The following TMEM127 variants were observed in gnomAD, a reference collection of about 807,000 sequenced individuals.
The protein encoded by TMEM127 is transmembrane protein 127.
Under a neutral mutation model 20.1 loss-of-function variants are expected in TMEM127, and 21 were observed. The ratio of observed to expected loss-of-function variants is 1.04; its 90% confidence interval spans 0.74 to 1.50. The LOEUF (loss-of-function observed/expected upper bound fraction) is 1.50. Among genes scored for constraint, TMEM127 ranks in the 40% most tolerant of loss-of-function variants. The pLI is 0.00. For missense variants in TMEM127, 303 were observed against 317.4 expected, an observed-to-expected ratio of 0.95 and a Z score of 0.34; for synonymous variants, 150 against 144.7, an observed-to-expected ratio of 1.04 and a Z score of -0.26.
intron 2 of TMEM127, among the ~76,000 whole-genome samples, chr2:96,263,273 G>C (rs1055500869): frequency 6.6e-6 from 1 of 151,588 alleles, no homozygotes; most frequent in African/African-American, 2.4e-5. Context: ...TAGCCAAGCT[G>C]GTCTCCAACT....
Position 96,265,332 on chromosome 2 carries a change from C to T in TMEM127, c.50G>A (p.Ser17Asn), listed in dbSNP as rs1223613323. The T allele has an allele frequency of 6.6e-7, 1 of 1,518,984 alleles. No homozygotes were observed. Among genetic ancestry groups the T allele is most frequent in the Admixed American group, 2.0e-5 (1 of 49,174 alleles). The allele number at this position is 1,518,984 out of a possible 1,614,324, so 94.1% of individuals were successfully genotyped here. ...AGLPGGRRRRSPGGSALPKQP... is the reference protein window; with the variant it reads ...AGLPGGRRRRNPGGSALPKQP... Reference sequence around the variant, plus strand: ...CTTGGGCAGAGCGCTGCCTCCCGGGCTCCTCCGCCGGCGCCCGCCGGGCAG... The same window carrying T: ...CTTGGGCAGAGCGCTGCCTCCCGGGTTCCTCCGCCGGCGCCCGCCGGGCAG... Residue 17 changes from serine to asparagine, a missense_variant, in exon 2 of 4, where the codon AGC becomes AAC. By Grantham distance (46) the Ser-to-Asn change is conservative (BLOSUM62 1). Transcript: ENST00000258439.
chr2:96,263,416 G>A (rs903108219), intron 2 of TMEM127, among the ~76,000 whole-genome samples: 3 of 149,108 alleles, frequency 2.0e-5, no homozygotes, highest in Non-Finnish European at 4.4e-5. Flanking sequence ...AGGCTGGAGC[G>A]CAATGGCGCG....
chr2:96,251,121 A>G lies in TMEM127; in HGVS notation c.*2687T>C, dbSNP rs2104274929. 4.6e-6 allele frequency: 1 copy of G among 215,804 alleles called. No homozygotes were observed. Among genetic ancestry groups the G allele is most frequent in the Admixed American group, 5.8e-5 (1 of 17,158 alleles). 13.4% of individuals were successfully genotyped at this position (215,804 alleles called of 1,614,324 possible). A position where few individuals can be genotyped will look rare whatever the true frequency, so the allele number is the denominator to read the frequency against. On this transcript the variant is annotated 3_prime_UTR_variant, in exon 4 of 4. Transcript: ENST00000258439. ...CAGCTACTATTTCTAGCTGTTCTAG[A>G]AAGACCTAGAAACTTCCTGTGTGAA...
At chr2:96,263,052 T>TC (rs986254264) in intron 2 of TMEM127, among the ~76,000 whole-genome samples, 3 of 151,302 alleles carry the variant, frequency 2.0e-5, no homozygotes, top group African/African-American at 7.3e-5. Context: ...AATTTACTTT[T>TC]TTTTTTTTTT....
rs749807415 is a variant in TMEM127, at chr2:96,265,315, G to A, written c.67C>T (p.Leu23=). 1.2e-5 allele frequency: 18 copies of A among 1,535,712 alleles called. No individual in the cohort carries two copies. The highest frequency in any genetic ancestry group is 1.1e-4 in the South Asian group (9 of 84,204). The change falls in exon 2 of 4, where the codon CTG becomes TTG. Residue 23 remains leucine, a synonymous_variant. Coordinates refer to ENST00000258439, the MANE Select transcript of TMEM127 (RefSeq NM_017849.4). The part of the protein sequence containing the change: ...RRRRSPGGSA[L]PKQPERSLAS... ...AGGCTACGCTCCGGCTGCTTGGGCA[G>A]AGCGCTGCCTCCCGGGCTCCTCCGC...
intron 2 of TMEM127, among the ~76,000 whole-genome samples, chr2:96,257,652 G>A (rs1355737857): frequency 6.6e-6 from 1 of 152,096 alleles, no homozygotes; most frequent in Non-Finnish European, 1.5e-5. Flanking sequence ...GGTGGCTCAC[G>A]CCTGTAATCC....
intron 2 of TMEM127, among the ~76,000 whole-genome samples, chr2:96,256,143 C>T (rs990327447): frequency 3.3e-5 from 5 of 151,352 alleles, no homozygotes; most frequent in East Asian, 1.9e-4. Flanking sequence ...TGATCGCATG[C>T]GCCTGTAGTC....
Position 96,252,645 on chromosome 2 carries a change from G to A in TMEM127, c.*1163C>T, listed in dbSNP as rs11691019. The A allele has an allele frequency of 7.5e-3, 1,764 of 233,910 alleles. 14 individuals are homozygous for A. The highest frequency in any genetic ancestry group is 0.011 in the Non-Finnish European group (1,295 of 118,174). 14.5% of individuals were successfully genotyped at this position (233,910 alleles called of 1,614,324 possible). On this transcript the variant is annotated 3_prime_UTR_variant, in exon 4 of 4. Coordinates refer to ENST00000258439, the MANE Select transcript of TMEM127 (RefSeq NM_017849.4). This position sits in a 1 kb window ranked among gnomAD's most constrained non-coding sequence, Gnocchi z 4.2. ...CCCGGCCTGCTGGGCTGACAGTGTG[G>A]GTCTGATGCCTCACATGATGTGGCC... is the stretch of plus-strand genomic sequence containing the variant.
rs539745712 is a variant in TMEM127, at chr2:96,256,196, G to A, written c.245-1199C>T. On this transcript the variant is annotated intron_variant, in intron 2 of 3. Transcript: ENST00000258439. ...TGAGGCAGAAGAATTGCTTGAACCCGGAAGGTGGAGGTTGCAGTGAGCCGA... is the reference window on the plus strand; with the variant it reads ...TGAGGCAGAAGAATTGCTTGAACCCAGAAGGTGGAGGTTGCAGTGAGCCGA... 1.3e-4 allele frequency among the ~76,000 whole-genome samples: 20 copies of A among 151,580 alleles called. 1 individual carries two copies. The highest frequency in any genetic ancestry group is 3.9e-4 in the East Asian group (2 of 5,170).
At chr2:96,265,763 A>C (rs1684410359) in intron 1 of TMEM127, 106 bp downstream of exon 1, 1 of 213,590 alleles carries the variant, frequency 4.7e-6, no homozygotes, top group East Asian at 8.9e-5. Context: ...GGGGCGGAGG[A>C]CCGGGCTGGG....
chr2:96,260,101 G>A (rs981365325), intron 2 of TMEM127, among the ~76,000 whole-genome samples: 2 of 152,234 alleles, frequency 1.3e-5, no homozygotes, highest in African/African-American at 4.8e-5. Flanking sequence ...AAACCCTCAG[G>A]GTTAGTGAGA....
Position 96,254,905 on chromosome 2 carries a change from G to T in TMEM127, c.337C>A (p.Leu113Met), listed in dbSNP as rs2104287288. ...GGATGCTTCGGCCCAAAGACATCCA[G>T]AAGGAAAGCGGAGAGACTACACAGG... ...GILCSLSAFL[L>M]DVFGPKHPAL... Residue 113 changes from leucine (L) to methionine (M), a missense_variant, in exon 3 of 4, where the codon CTG becomes ATG. By Grantham distance (15) the Leu-to-Met change is conservative. Coordinates refer to ENST00000258439, the MANE Select transcript of TMEM127 (RefSeq NM_017849.4). 6.2e-7 allele frequency: 1 copy of T among 1,614,154 alleles called. No individual in the cohort carries two copies. Among genetic ancestry groups the T allele is most frequent in the Non-Finnish European group, 8.5e-7 (1 of 1,179,996 alleles).
intron 2 of TMEM127, among the ~76,000 whole-genome samples, chr2:96,264,263 T>G (rs1573976854): frequency 6.6e-6 from 1 of 152,242 alleles, no homozygotes; most frequent in East Asian, 1.9e-4. Context: ...TAACAGGAAG[T>G]GCTTCTGATA....
rs1254567129 is a variant in TMEM127, at chr2:96,252,952, T to C, written c.*856A>G. ...TTGGAAGGAGCTACAGCCCCAAATA[T>C]TGCAGAGCCAAAAGGAATGGGATAC... is the stretch of plus-strand genomic sequence containing the variant. On this transcript the variant is annotated 3_prime_UTR_variant, in exon 4 of 4. Transcript: ENST00000258439. This position sits in a 1 kb window ranked among gnomAD's most constrained non-coding sequence, Gnocchi z 4.2. The C allele has an allele frequency of 8.6e-6, 2 of 233,182 alleles. No individual in the cohort carries two copies. Among genetic ancestry groups the C allele is most frequent in the Non-Finnish European group, 8.5e-6 (1 of 118,060 alleles). The allele number at this position is 233,182 out of a possible 1,614,324, so 14.4% of individuals were successfully genotyped here. A position where few individuals can be genotyped will look rare whatever the true frequency, so the allele number is the denominator to read the frequency against.
At chr2:96,254,750 C>T in intron 3 of TMEM127, 83 bp downstream of exon 3, 3 of 1,567,174 alleles carry the variant, frequency 1.9e-6, no homozygotes, top group Non-Finnish European at 1.8e-6. Context: ...CTCAGAGAAA[C>T]CAGAGCCCCC....
intron 2 of TMEM127, among the ~76,000 whole-genome samples, chr2:96,261,126 G>A (rs1245648389): frequency 2.0e-5 from 3 of 152,208 alleles, no homozygotes; most frequent in East Asian, 3.8e-4. Flanking sequence ...CCACACTTGA[G>A]AGGCAGAAAG....
rs1424733983 is a variant in TMEM127, at chr2:96,265,177, A to G, written c.205T>C (p.Ser69Pro). ...GTCSRQELGV[S>P]DVLGYVHPDL... ...GGGTGCACATAGCCCAACACGTCGG[A>G]GACCCCCAGCTCCTGGCGCGAACAG... is the stretch of plus-strand genomic sequence containing the variant. The change falls in exon 2 of 4, where the codon TCC becomes CCC. Residue 69 changes from serine to proline, a missense_variant. Transcript: ENST00000258439. 8 of 1,610,874 alleles carry G rather than the reference A, an allele frequency of 5.0e-6. No homozygotes were observed. Among genetic ancestry groups the G allele is most frequent in the Non-Finnish European group, 6.8e-6 (8 of 1,179,454 alleles).
At chr2:96,265,649 G>A (rs1684406680) in intron 1 of TMEM127, 137 bp from the exon 2 acceptor site, 1 of 368,308 alleles carries the variant, frequency 2.7e-6, no homozygotes, top group East Asian at 4.4e-5. Context: ...AGGGCCAGGG[G>A]CCAGATGGGG....
intron 3 of TMEM127, 35 bp downstream of exon 3, chr2:96,254,798 G>A (rs769025694): frequency 8.7e-6 from 14 of 1,613,296 alleles, no homozygotes; most frequent in Non-Finnish European, 1.7e-6. Flanking sequence ...CCCTGTAGCA[G>A]TTCCTCTCCC....
Sources: gnomAD v4.1 joint callset for allele counts (sites outside exome capture counted in the v4.1 genomes callset) on GRCh38, gnomAD v4.1.1 for gene constraint, Gnocchi (gnomAD v3.1) non-coding constraint, MANE v1.5 for transcripts, NCBI Gene and HGNC (gene_info 2026-07-23, HGNC 2026-07-21) for gene names.